The following SH3GLB2 variants were observed in gnomAD, a reference collection of about 807,000 sequenced individuals.
The protein encoded by SH3GLB2 is endophilin-B2.
A neutral mutation model predicts 48.0 loss-of-function variants in SH3GLB2; 24 were observed. The ratio of observed to expected loss-of-function variants is 0.50; its 90% CI spans 0.36 to 0.70. The LOEUF (loss-of-function observed/expected upper bound fraction) is 0.70, where lower values mean the gene tolerates loss of function less well. Among genes scored for constraint, SH3GLB2 ranks in the 30% least tolerant of loss-of-function variants. The probability of loss-of-function intolerance (pLI) is 0.00; values close to 1 mark genes in which losing one functional copy is unlikely to be tolerated. For missense variants in SH3GLB2, 425 were observed against 516.0 expected (o/e 0.82, Z 1.71); for synonymous variants, 227 against 207.6 (o/e 1.09, Z -0.80).
chr9:129,008,669 G>A lies in SH3GLB2; in HGVS notation c.*15C>T. ...CCTGCCTAGGCCAGAATGCGGGGGG[G>A]ATGGGGGCACCTGCCTAGCTGAGCA... On this transcript the variant is annotated 3_prime_UTR_variant, in exon 11 of 11. Transcript: ENST00000372564. 3 of 1,604,022 alleles carry A rather than the reference G, an allele frequency of 1.9e-6. No homozygotes were observed. The highest frequency in any genetic ancestry group is 1.1e-5 in the South Asian group (1 of 90,834).
At position 129,011,943 on chromosome 9, in the gene SH3GLB2, A is replaced by C; in HGVS notation, c.624+293T>G. On this transcript the variant is annotated intron_variant, in intron 6 of 10. Transcript: ENST00000372564. This position sits in a 1 kb window ranked among gnomAD's most constrained non-coding sequence, Gnocchi z 4.5. ...GAGGTGGAGGGGCCCTGGGGATGGG[A>C]CAGCTGCCGCCCTGAGTTCTCCACA... is the stretch of plus-strand genomic sequence containing the variant. The C allele has an allele frequency of 2.9e-6, 1 of 346,768 alleles. No homozygotes were observed. Among genetic ancestry groups the C allele is most frequent in the Non-Finnish European group, 5.2e-6 (1 of 193,252 alleles). The allele number at this position is 346,768 out of a possible 1,614,324, so 21.5% of individuals were successfully genotyped here.
In SH3GLB2 at chr9:129,014,990, G is replaced by A. The variant is rs1279826916; in HGVS notation, c.335-86C>T. The A allele has an allele frequency of 3.3e-6, 5 of 1,525,734 alleles. No individual in the cohort carries two copies. The highest frequency in any genetic ancestry group is 4.4e-6 in the Non-Finnish European group (5 of 1,134,726). 94.5% of individuals were successfully genotyped at this position (1,525,734 alleles called of 1,614,324 possible). A position where few individuals can be genotyped will look rare whatever the true frequency, so the allele number is the denominator to read the frequency against. Reference sequence around the variant, plus strand: ...GGAGAGGGCTCAGGAAGAGCTTGCTGAAGAGCAAGGGCCGGGGTGCTCAGT... The same window carrying A: ...GGAGAGGGCTCAGGAAGAGCTTGCTAAAGAGCAAGGGCCGGGGTGCTCAGT... On this transcript the variant is annotated intron_variant, in intron 3 of 10. Transcript: ENST00000372564. The surrounding 1 kb of genome is among the most constrained non-coding windows in gnomAD (Gnocchi z 4.1).
At chr9:129,020,994 G>A in intron 3 of SH3GLB2, 97 bp downstream of exon 3, 1 of 1,245,696 alleles carries the variant, frequency 8.0e-7, no homozygotes, top group Non-Finnish European at 1.0e-6. Flanking sequence ...GGTATTATTT[G>A]TATAATTATT....
intron 3 of SH3GLB2, among the ~76,000 whole-genome samples, chr9:129,017,901 CAAAAA>C (rs900509486): frequency 1.5e-5 from 1 of 64,770 alleles, no homozygotes; most frequent in Admixed American, 1.9e-4. Context: ...CCGTCTCAAA[CAAAAA>C]AAAAAAAAAA....
chr9:129,017,356 T>C (rs1843492419), intron 3 of SH3GLB2, among the ~76,000 whole-genome samples: 2 of 152,140 alleles, frequency 1.3e-5, no homozygotes, highest in African/African-American at 4.8e-5. Context: ...TATACAGCAC[T>C]GCACCCTCAA....
chr9:129,025,611 G>GGAAGGAAGGAAGGAAGGA (rs1844107781), intron 1 of SH3GLB2, among the ~76,000 whole-genome samples: 1 of 120,036 alleles, frequency 8.3e-6, no homozygotes. Context: ...GGGACTAAGG[G>GGAAGGAAGGAAGGAAGGA]AGGAAGGAAG....
intron 5 of SH3GLB2, chr9:129,013,021 T>G: frequency 6.4e-7 from 1 of 1,551,144 alleles, no homozygotes; most frequent in Non-Finnish European, 8.7e-7. Flanking sequence ...TCCCTCACAC[T>G]GAGCCAAGTT....
chr9:129,009,950 A>C, intron 8 of SH3GLB2, 79 bp from the exon 9 acceptor site: 1 of 1,448,722 alleles, frequency 6.9e-7, no homozygotes, highest in South Asian at 1.2e-5. Flanking sequence ...CCCGTCCTCT[A>C]CCAGACCTTG....
At chr9:129,022,461 G>A (rs1843871361) in intron 1 of SH3GLB2, 38 bp from the exon 2 acceptor site, 2 of 1,545,914 alleles carry the variant, frequency 1.3e-6, no homozygotes, top group Non-Finnish European at 1.8e-6. Context: ...GGGAGGGGGA[G>A]AGCTCAGAAG....
chr9:129,010,140 C>T lies in SH3GLB2; in HGVS notation c.718G>A (p.Glu240Lys). 2 of 1,614,066 alleles carry T rather than the reference C, an allele frequency of 1.2e-6. No individual in the cohort carries two copies. Among genetic ancestry groups the T allele is most frequent in the Non-Finnish European group, 1.7e-6 (2 of 1,179,986 alleles). ...CTCACGTGAGTGCTACTGATTCCCT[C>T]CAGCAAGAGACGGGTCACTTCTGCT... ...RQAEVTRLLL[E>K]GISSTHVNHL... The change falls in exon 8 of 11, where the codon GAG becomes AAG. Residue 240 changes from glutamate to lysine, a missense_variant. Glu to Lys is a moderately conservative substitution (Grantham distance 56). Coordinates refer to ENST00000372564, the MANE Select transcript of SH3GLB2 (RefSeq NM_020145.4).
In SH3GLB2 at chr9:129,009,963, C is replaced by T. The variant is rs994684647; in HGVS notation, c.739-92G>A. ...TCCCCGTCCTCTACCAGACCTTGCT[C>T]CGGCATTCCAGGGTGCCCTGCCCCT... is the stretch of plus-strand genomic sequence containing the variant. On this transcript the variant is annotated intron_variant, in intron 8 of 10. Coordinates refer to ENST00000372564, the MANE Select transcript of SH3GLB2 (RefSeq NM_020145.4). 9.9e-6 allele frequency: 14 copies of T among 1,419,190 alleles called. No homozygotes were observed. The African/African-American group carries it at 2.0e-4, about 20-fold the overall frequency. The allele number at this position is 1,419,190 out of a possible 1,614,324, so 87.9% of individuals were successfully genotyped here.
intron 1 of SH3GLB2, 72 bp from the exon 2 acceptor site, chr9:129,022,495 G>C: frequency 2.1e-6 from 3 of 1,403,252 alleles, no homozygotes; most frequent in Non-Finnish European, 3.0e-6. Context: ...GGTGGGGAAA[G>C]GGAGGACTGC....
rs755820018 is a variant in SH3GLB2 at position 129,021,184 on chromosome 9, C to A, written c.241G>T (p.Asp81Tyr). ...RVEEFLYEKL[D>Y]RKVPSRVTNG... ...GTGACCCTTGAGGGGACCTTCCTGT[C>A]CAGCTTCTCATACAGGAACTCCTCC... The change falls in exon 3 of 11, where the codon GAC (aspartate) becomes TAC (tyrosine). Residue 81 changes from aspartate (D) to tyrosine (Y), a missense_variant. Transcript: ENST00000372564. 1 of 1,611,556 alleles carries A rather than the reference C, an allele frequency of 6.2e-7. No individual in the cohort carries two copies. Among genetic ancestry groups the A allele is most frequent in the African/African-American group, 1.3e-5 (1 of 74,814 alleles).
chr9:129,015,807 G>A (rs1197613346), intron 3 of SH3GLB2: 1 of 331,870 alleles, frequency 3.0e-6, no homozygotes, highest in African/African-American at 2.2e-5. Context: ...TGAGGCTATA[G>A]TAGTAAGCTA....
At chr9:129,009,007 T>C in intron 10 of SH3GLB2, 99 bp downstream of exon 10, 2 of 1,558,712 alleles carry the variant, frequency 1.3e-6, no homozygotes, top group Non-Finnish European at 1.7e-6. Context: ...GTCCCCACTT[T>C]GCCAACAGGG....
intron 1 of SH3GLB2, among the ~76,000 whole-genome samples, chr9:129,023,825 C>T (rs1005296879): frequency 6.6e-6 from 1 of 152,142 alleles, no homozygotes; most frequent in Non-Finnish European, 1.5e-5. Flanking sequence ...CTCCTGGCCT[C>T]CCTCCCCCAC....
rs372483782 is a variant in SH3GLB2, at chr9:129,028,088, T to C, written c.63+4A>G. The C allele has an allele frequency of 6.7e-7, 1 of 1,500,946 alleles. No individual in the cohort carries two copies. The highest frequency in any genetic ancestry group is 2.2e-5 in the Admixed American group (1 of 46,082). 93.0% of individuals were successfully genotyped at this position (1,500,946 alleles called of 1,614,324 possible). A position where few individuals can be genotyped will look rare whatever the true frequency, so the allele number is the denominator to read the frequency against. On this transcript the variant is annotated splice_donor_region_variant and intron_variant, in intron 1 of 10. Coordinates refer to ENST00000372564, the MANE Select transcript of SH3GLB2 (RefSeq NM_020145.4). ...CCGGCGCACGGCGCGACGCCAGGCC[T>C]CACCTGCACCGCCCGGGTGAAGAAG...
chr9:129,025,217 A>G (rs1844075867), intron 1 of SH3GLB2, among the ~76,000 whole-genome samples: 1 of 146,598 alleles, frequency 6.8e-6, no homozygotes, highest in Admixed American at 7.0e-5. Flanking sequence ...CGGAGGCTGC[A>G]GTGAGCTGAG....
chr9:129,017,852 C>T (rs531191226), intron 3 of SH3GLB2, among the ~76,000 whole-genome samples: 30 of 148,218 alleles, frequency 2.0e-4, no homozygotes, highest in East Asian at 2.0e-3. Context: ...GAGCCGAGAT[C>T]GTGCCACTGC....
Sources: allele counts gnomAD v4.1 joint callset (sites outside exome capture counted in the v4.1 genomes callset), GRCh38; gene constraint gnomAD v4.1.1; non-coding constraint Gnocchi (gnomAD v3.1); transcripts MANE v1.5; gene names NCBI Gene and HGNC (gene_info 2026-07-23, HGNC 2026-07-21).